Variants in CLDN18 observed in about 807,000 individuals in gnomAD.
The protein encoded by CLDN18 is claudin-18.
In CLDN18, 20 loss-of-function variants were observed where a neutral mutation model predicts 25.0. The observed-to-expected ratio is 0.80, with a 90% CI of 0.56 to 1.16. The LOEUF is 1.16. Among genes scored for constraint, CLDN18 ranks in the 50% most tolerant of loss-of-function variants. The pLI is 0.00. For synonymous variants in CLDN18, 125 were observed against 135.6 expected, an observed-to-expected ratio of 0.92 and a Z score of 0.54; for missense variants, 297 against 345.4, an observed-to-expected ratio of 0.86 and a Z score of 1.11.
At chr3:138,017,209 C>CA (rs993331621) in intron 1 of CLDN18, among the ~76,000 whole-genome samples, 1 of 152,142 alleles carries the variant, frequency 6.6e-6, no homozygotes, top group African/African-American at 2.4e-5. Context: ...AACTCAAAAA[C>CA]ATTTTATGAA....
At chr3:138,008,405 G>C (rs552019171), upstream of CLDN18, among the ~76,000 whole-genome samples, 82 of 151,904 alleles carry the variant, frequency 5.4e-4, no homozygotes, top group African/African-American at 1.9e-3. Context: ...GGAGTTCGAG[G>C]CCAGCCTGAC....
At chr3:138,009,414 A>G (rs1353939946), upstream of CLDN18, among the ~76,000 whole-genome samples, 1 of 152,180 alleles carries the variant, frequency 6.6e-6, no homozygotes, top group Non-Finnish European at 1.5e-5. Context: ...ATGGAAATCA[A>G]CGGGGTCCCT....
intron 3 of CLDN18, among the ~76,000 whole-genome samples, chr3:138,025,076 G>C (rs571547260): frequency 1.1e-4 from 17 of 152,218 alleles, no homozygotes; most frequent in Non-Finnish European, 2.4e-4. Flanking sequence ...TCCATAACTG[G>C]AACCTGGCTA....
upstream of CLDN18, among the ~76,000 whole-genome samples, chr3:138,008,136 T>A (rs1471479200): frequency 1.4e-5 from 2 of 147,656 alleles, no homozygotes; most frequent in Non-Finnish European, 3.0e-5. Flanking sequence ...GCACCCAAGA[T>A]AACAAAATGT....
Position 138,031,120 on chromosome 3 carries a change from T to G in CLDN18, c.765T>G (p.Pro255=). 1 of 1,613,636 alleles carries G rather than the reference T, an allele frequency of 6.2e-7. No individual in the cohort carries two copies. The highest frequency in any genetic ancestry group is 8.5e-7 in the Non-Finnish European group (1 of 1,179,866). Residue 255 remains proline, a synonymous_variant, in exon 5 of 5, where the codon CCT becomes CCG. Coordinates refer to ENST00000183605, the MANE Select transcript of CLDN18 (RefSeq NM_016369.4). ...ARTEDEVQSY[P]SKHDYV is the part of the protein sequence containing the mutation. Reference sequence around the variant, plus strand: ...CAGAGGACGAGGTACAATCTTATCCTTCCAAGCACGACTATGTGTAATGCT... The same window carrying G: ...CAGAGGACGAGGTACAATCTTATCCGTCCAAGCACGACTATGTGTAATGCT...
intron 1 of CLDN18, among the ~76,000 whole-genome samples, chr3:137,999,747 A>G (rs947394726): frequency 2.6e-5 from 4 of 152,172 alleles, no homozygotes; most frequent in African/African-American, 9.7e-5. Flanking sequence ...AGGGAAAGGT[A>G]TTGCAGGCTG....
intron 1 of CLDN18, among the ~76,000 whole-genome samples, chr3:138,003,017 G>C (rs1248309195): frequency 6.6e-6 from 1 of 152,132 alleles, no homozygotes; most frequent in Non-Finnish European, 1.5e-5. Flanking sequence ...GGGAATATAG[G>C]TGTCAAAGGG....
At chr3:138,026,735 T>G (rs1174161874) in intron 3 of CLDN18, among the ~76,000 whole-genome samples, 2 of 152,064 alleles carry the variant, frequency 1.3e-5, no homozygotes, top group Non-Finnish European at 2.9e-5. Context: ...CAGAGTTCTT[T>G]AAGAAAAGGG....
At chr3:138,018,626 G>A (rs530677623) in intron 1 of CLDN18, among the ~76,000 whole-genome samples, 2 of 152,054 alleles carry the variant, frequency 1.3e-5, no homozygotes, top group South Asian at 4.2e-4. Flanking sequence ...GTGAGCCACC[G>A]CACCCGGCCC....
upstream of CLDN18, among the ~76,000 whole-genome samples, chr3:138,006,937 C>T (rs1942075331): frequency 6.6e-6 from 1 of 152,094 alleles, no homozygotes; most frequent in Non-Finnish European, 1.5e-5. Flanking sequence ...ACATTTTTCC[C>T]TATTTTGAAA....
chr3:138,024,915 A>G (rs567665813), intron 3 of CLDN18, among the ~76,000 whole-genome samples, 191 bp downstream of exon 3: 1 of 152,368 alleles, frequency 6.6e-6, no homozygotes, highest in South Asian at 2.1e-4. Context: ...ATCCTTGGTG[A>G]TATGACTTGA....
chr3:138,011,048 G>A (rs772905156), intron 1 of CLDN18, among the ~76,000 whole-genome samples: 74 of 151,880 alleles, frequency 4.9e-4, no homozygotes, highest in Non-Finnish European at 2.1e-4. Context: ...TATTATGTCA[G>A]AATATAAATA....
intron 1 of CLDN18, among the ~76,000 whole-genome samples, chr3:138,012,780 G>C (rs1223203811): frequency 6.6e-6 from 1 of 152,242 alleles, no homozygotes; most frequent in Non-Finnish European, 1.5e-5. Flanking sequence ...AATTCCAGCA[G>C]AGGGGACAGG....
At chr3:138,012,242 G>T (rs960536610) in intron 1 of CLDN18, among the ~76,000 whole-genome samples, 2 of 152,144 alleles carry the variant, frequency 1.3e-5, no homozygotes, top group African/African-American at 4.8e-5. Context: ...TTCTCAGTCT[G>T]GTTTCTATCC....
upstream of CLDN18, among the ~76,000 whole-genome samples, chr3:138,008,336 GCTC>G: frequency 6.6e-6 from 1 of 152,082 alleles, no homozygotes; most frequent in Non-Finnish European, 1.5e-5. Context: ...GGGCACAGTG[GCTC>G]ACGCCTGCAA....
upstream of CLDN18, among the ~76,000 whole-genome samples, chr3:138,007,829 C>A (rs1454778052): frequency 1.3e-5 from 2 of 152,144 alleles, no homozygotes; most frequent in African/African-American, 4.8e-5. Flanking sequence ...CAATCTATGC[C>A]CACCAGCAGA....
chr3:138,011,365 G>A lies in CLDN18; in HGVS notation c.220+920G>A, dbSNP rs552709402. 3.1e-3 allele frequency among the ~76,000 whole-genome samples: 475 copies of A among 152,332 alleles called. 1 individual carries two copies. The highest frequency in any genetic ancestry group is 0.01 in the African/African-American group (426 of 41,586). ...ATTGTGAAGAGGCTGTAGAGCCCTTGAAACTGAATTGAATTGTGAAAAGCA... is the reference window on the plus strand; with the variant it reads ...ATTGTGAAGAGGCTGTAGAGCCCTTAAAACTGAATTGAATTGTGAAAAGCA... On this transcript the variant is annotated intron_variant, in intron 1 of 4. Transcript: ENST00000183605.
chr3:138,021,557 T>C (rs764198543), intron 1 of CLDN18, among the ~76,000 whole-genome samples: 13 of 152,166 alleles, frequency 8.5e-5, no homozygotes, highest in African/African-American at 2.2e-4. Context: ...TCTCCAAGAG[T>C]TGGAATAACA....
intron 4 of CLDN18, 43 bp downstream of exon 4, chr3:138,029,950 C>T (rs754537654): frequency 8.1e-7 from 1 of 1,241,654 alleles, no homozygotes; most frequent in African/African-American, 1.5e-5. Context: ...TTTATTTGTT[C>T]AGGGTCTATT....
Sources: gnomAD v4.1 joint callset for allele counts (sites outside exome capture counted in the v4.1 genomes callset) on GRCh38, gnomAD v4.1.1 for gene constraint, MANE v1.5 for transcripts, NCBI Gene and HGNC (gene_info 2026-07-23, HGNC 2026-07-21) for gene names.